Variants in BRWD1 observed in about 807,000 individuals in gnomAD.
BRWD1 encodes bromodomain and WD repeat-containing protein 1.
Under a neutral mutation model 251.2 loss-of-function variants are expected in BRWD1, and 82 were observed. The observed-to-expected ratio is 0.33, with a 90% CI of 0.27 to 0.39. The LOEUF is 0.39. Ranked by LOEUF, BRWD1 falls within the 10% of genes least tolerant of loss-of-function variation. BRWD1 has a pLI of 1.00. For synonymous variants in BRWD1, 918 were observed against 902.8 expected, an observed-to-expected ratio of 1.02 and a Z score of -0.30; for missense variants, 2,233 against 2,711.6, an observed-to-expected ratio of 0.82 and a Z score of 3.92.
intron 4 of BRWD1, among the ~76,000 whole-genome samples, chr21:39,303,384 T>C (rs772911870): frequency 2.6e-4 from 40 of 151,654 alleles, no homozygotes; most frequent in South Asian, 4.2e-4. Flanking sequence ...CCGGGCATGG[T>C]AGCAGGTGAC....
rs770884785 is a variant in BRWD1 at position 39,187,815 on chromosome 21, AAC to A, written c.*8442_*8443del. Reference sequence around the variant, plus strand: ...GATTCAGATTAAAATTCTAAAAAATAACACAGAGTTGCTTTAAGGAACCAAAA... The same window carrying A: ...GATTCAGATTAAAATTCTAAAAAATAACAGAGTTGCTTTAAGGAACCAAAA... On this transcript the variant is annotated 3_prime_UTR_variant, in exon 41 of 41. Coordinates refer to ENST00000342449, the MANE Select transcript of BRWD1 (RefSeq NM_033656.4). 65 of 985,416 alleles carry A rather than the reference AAC, an allele frequency of 6.6e-5. No individual in the cohort carries two copies. Among genetic ancestry groups the A allele is most frequent in the African/African-American group, 5.9e-4 (34 of 57,360 alleles). The allele number at this position is 985,416 out of a possible 1,614,324, so 61.0% of individuals were successfully genotyped here.
chr21:39,310,130 T>C (rs1286704204), intron 4 of BRWD1, among the ~76,000 whole-genome samples: 1 of 152,268 alleles, frequency 6.6e-6, no homozygotes, highest in African/African-American at 2.4e-5. Flanking sequence ...TCTATTATTT[T>C]TGTTTGAAGA....
At chr21:39,316,402 G>GATC (rs200300139), upstream of BRWD1, among the ~76,000 whole-genome samples, 5 of 152,196 alleles carry the variant, frequency 3.3e-5, no homozygotes, top group East Asian at 9.6e-4. Flanking sequence ...GTGCATAGAT[G>GATC]ACTGTGGGAC....
At chr21:39,302,018 C>T (rs1239242568) in intron 4 of BRWD1, among the ~76,000 whole-genome samples, 1 of 124,358 alleles carries the variant, frequency 8.0e-6, no homozygotes. Context: ...AGTCTTGCTC[C>T]GTGGTCCAGG....
chr21:39,294,396 G>A (rs904906597), intron 7 of BRWD1, among the ~76,000 whole-genome samples: 17 of 152,180 alleles, frequency 1.1e-4, no homozygotes, highest in African/African-American at 3.9e-4. Flanking sequence ...AGTGGCTCAC[G>A]CCTGTAATCC....
intron 8 of BRWD1, among the ~76,000 whole-genome samples, chr21:39,291,588 C>A (rs1272110928): frequency 6.6e-6 from 1 of 152,190 alleles, no homozygotes; most frequent in Non-Finnish European, 1.5e-5. Context: ...TCTAAAAAAA[C>A]TAAAACAAGC....
intron 4 of BRWD1, among the ~76,000 whole-genome samples, chr21:39,307,726 C>G (rs1042957901): frequency 6.6e-6 from 1 of 152,074 alleles, no homozygotes; most frequent in Non-Finnish European, 1.5e-5. Context: ...ATAGTAAAAC[C>G]CCTTTAAAAC....
At chr21:39,310,439 G>C (rs962654379) in intron 4 of BRWD1, among the ~76,000 whole-genome samples, 1 of 152,178 alleles carries the variant, frequency 6.6e-6, no homozygotes, top group African/African-American at 2.4e-5. Context: ...AGGAGTTCGA[G>C]ACCAGCCTGG....
intron 4 of BRWD1, among the ~76,000 whole-genome samples, chr21:39,310,059 G>A (rs188030787): frequency 2.8e-4 from 42 of 152,318 alleles, no homozygotes; most frequent in South Asian, 2.1e-4. Context: ...CAGACAATAT[G>A]CAACATTCTC....
Position 39,276,226 on chromosome 21 carries a change from A to G in BRWD1, c.1105-13T>C. 6.3e-7 allele frequency: 1 copy of G among 1,589,626 alleles called. No individual in the cohort carries two copies. The highest frequency in any genetic ancestry group is 8.6e-7 in the Non-Finnish European group (1 of 1,163,558). On this transcript the variant is annotated splice_polypyrimidine_tract_variant and intron_variant, in intron 11 of 40. Coordinates refer to ENST00000342449, the MANE Select transcript of BRWD1 (RefSeq NM_033656.4). ...TATCTACTTTATCCTAAAGGGGGGA[A>G]AAGGACAAATACAAAAATGATCATC...
At chr21:39,252,158 A>G (rs1295668366) in intron 19 of BRWD1, among the ~76,000 whole-genome samples, 1 of 151,732 alleles carries the variant, frequency 6.6e-6, no homozygotes, top group African/African-American at 2.4e-5. Context: ...CTGAGGCAGG[A>G]GAATCGCTTG....
In BRWD1 at chr21:39,203,659, G is replaced by A. The variant is rs189477191; in HGVS notation, c.4365-1114C>T. Among the ~76,000 whole-genome samples, 207 of 150,356 alleles carry A rather than the reference G, an allele frequency of 1.4e-3. 5 individuals are homozygous for A. The East Asian group carries it at 0.027, about 20-fold the overall frequency. On this transcript the variant is annotated intron_variant, in intron 37 of 40. Coordinates refer to ENST00000342449, the MANE Select transcript of BRWD1 (RefSeq NM_033656.4). ...CCTGACCTCGTGATCCACCCACCTC[G>A]GCCTCCCAAAGTGCTGGGATTACAA...
intron 37 of BRWD1, among the ~76,000 whole-genome samples, chr21:39,203,621 A>G (rs1028955220): frequency 1.3e-5 from 2 of 150,330 alleles, no homozygotes; most frequent in African/African-American, 4.9e-5. Flanking sequence ...GTTAGCCAGG[A>G]TGGTCTCGAT....
At chr21:39,256,283 A>G (rs371306907) in intron 18 of BRWD1, among the ~76,000 whole-genome samples, 1 of 152,260 alleles carries the variant, frequency 6.6e-6, no homozygotes, top group African/African-American at 2.4e-5. Context: ...TAAAAATTGC[A>G]CACTAAAAAA....
intron 31 of BRWD1, chr21:39,217,035 AAATATATATATATATTTAT>A (rs2032945184): frequency 4.7e-5 from 1 of 21,368 alleles, no homozygotes; most frequent in African/African-American, 1.8e-4. Flanking sequence ...ATATATATAT[AAATATATATATATATTTAT>A]ATATATATAT....
intron 22 of BRWD1, among the ~76,000 whole-genome samples, chr21:39,237,003 G>T (rs1044092552): frequency 4.0e-5 from 6 of 151,704 alleles, no homozygotes; most frequent in African/African-American, 1.5e-4. Context: ...ACTAACACTA[G>T]AAATTAGGAA....
chr21:39,319,686 G>A (rs914814511), intron 1 of BRWD1, among the ~76,000 whole-genome samples: 2 of 152,128 alleles, frequency 1.3e-5, no homozygotes, highest in African/African-American at 4.8e-5. Flanking sequence ...TTTCCAGAGA[G>A]CATGCCTGTG....
rs1451264141 is a variant in BRWD1 at position 39,200,293 on chromosome 21, G to T, written c.4679C>A (p.Ser1560Tyr). The T allele has an allele frequency of 6.2e-7, 1 of 1,614,102 alleles. No individual in the cohort carries two copies. The highest frequency in any genetic ancestry group is 1.1e-5 in the South Asian group (1 of 91,078). The change falls in exon 39 of 41, where the codon TCC becomes TAC. Residue 1560 changes from serine (S) to tyrosine (Y), a missense_variant. Ser to Tyr is a moderately radical substitution (Grantham distance 144). Coordinates refer to ENST00000342449, the MANE Select transcript of BRWD1 (RefSeq NM_033656.4). ...ESKESSRARE[S>Y]SSRSGLSRSS... ...TCTGGATAGCCCACTGCGTGAGGAGGATTCACGAGCTCTGGAACTCTCTTT... is the reference window on the plus strand; with the variant it reads ...TCTGGATAGCCCACTGCGTGAGGAGTATTCACGAGCTCTGGAACTCTCTTT...
chr21:39,276,322 T>C, intron 11 of BRWD1, 109 bp from the exon 12 acceptor site: 1 of 880,166 alleles, frequency 1.1e-6, no homozygotes, highest in South Asian at 2.3e-5. Flanking sequence ...AAGCAAAATT[T>C]GCACTTGTGT....
Sources: allele counts gnomAD v4.1 joint callset (sites outside exome capture counted in the v4.1 genomes callset), GRCh38; gene constraint gnomAD v4.1.1; transcripts MANE v1.5; gene names NCBI Gene and HGNC (gene_info 2026-07-23, HGNC 2026-07-21).